Variants in ATP6V1A observed in about 807,000 individuals in gnomAD.
ATP6V1A encodes ATPase H+ transporting V1 subunit A.
In ATP6V1A, 18 loss-of-function variants were observed where a neutral mutation model predicts 70.1. That is an observed-to-expected ratio of 0.26 (90% CI 0.18 to 0.38). The LOEUF (loss-of-function observed/expected upper bound fraction) is 0.38. Ranked by LOEUF, ATP6V1A falls within the 10% of genes least tolerant of loss-of-function variation. The pLI is 1.00. For synonymous variants in ATP6V1A, 232 were observed against 253.8 expected (o/e 0.91, Z 0.82); for missense variants, 424 against 772.4 (o/e 0.55, Z 5.35).
chr3:113,775,146 A>G (rs1708893678), intron 1 of ATP6V1A, among the ~76,000 whole-genome samples: 1 of 152,106 alleles, frequency 6.6e-6, no homozygotes, highest in South Asian at 2.1e-4. Context: ...CTAAAAACAG[A>G]ATGGCTTTTT....
At position 113,786,289 on chromosome 3, in the gene ATP6V1A, G is replaced by A. The variant is rs1299646565; in HGVS notation, c.622G>A (p.Val208Ile). 2.5e-6 allele frequency: 4 copies of A among 1,613,210 alleles called. No homozygotes were observed. Among genetic ancestry groups the A allele is most frequent in the South Asian group, 1.1e-5 (1 of 90,994 alleles). ...GVKEKFTMVQVWPVRQVRPVT... is the reference protein window; with the variant it reads ...GVKEKFTMVQIWPVRQVRPVT... ...AAAGGAGAAGTTCACCATGGTGCAA[G>A]TATGGCCTGTACGTCAAGTTCGACC... The change falls in exon 6 of 15, where the codon GTA becomes ATA. Residue 208 changes from valine to isoleucine, a missense_variant. By Grantham distance (29) the Val-to-Ile change is conservative. This residue lies in a region of ATP6V1A where 139 missense variants were observed against 163.5 expected (regional missense o/e 0.85). Transcript: ENST00000273398.
chr3:113,762,589 C>A (rs928460047), intron 1 of ATP6V1A, among the ~76,000 whole-genome samples: 2 of 151,922 alleles, frequency 1.3e-5, no homozygotes, highest in Non-Finnish European at 2.9e-5. Flanking sequence ...ATGGTAAAGT[C>A]ATTTCATAGG....
intron 12 of ATP6V1A, chr3:113,803,217 A>C (rs1709235530): frequency 6.0e-6 from 1 of 167,752 alleles, no homozygotes; most frequent in Non-Finnish European, 1.3e-5. Flanking sequence ...AAATAGTCAA[A>C]TTTATAGAAA....
intron 1 of ATP6V1A, among the ~76,000 whole-genome samples, chr3:113,768,784 T>C (rs1366588414): frequency 6.6e-6 from 1 of 151,848 alleles, no homozygotes; most frequent in Non-Finnish European, 1.5e-5. Flanking sequence ...TTAGTAGAGA[T>C]GGGATTTCGC....
At chr3:113,776,202 T>A (rs779826729) in intron 1 of ATP6V1A, among the ~76,000 whole-genome samples, 3 of 151,602 alleles carry the variant, frequency 2.0e-5, no homozygotes, top group Non-Finnish European at 4.4e-5. Context: ...CTACAATAAA[T>A]GTAAAAATTA....
intron 1 of ATP6V1A, among the ~76,000 whole-genome samples, chr3:113,749,555 G>C (rs1221567587): frequency 6.6e-6 from 1 of 152,102 alleles, no homozygotes; most frequent in African/African-American, 2.4e-5. Flanking sequence ...TAGCCACTCA[G>C]TCCTATAGAC....
rs1037157681 is a variant in ATP6V1A at position 113,785,059 on chromosome 3, A to G, written c.564+226A>G. On this transcript the variant is annotated intron_variant, in intron 5 of 14. Transcript: ENST00000273398. ...AAGAAATGTAACAGTTTTCTACCATATTAACTGATGCTACATTTATTTAAA... is the reference window on the plus strand; with the variant it reads ...AAGAAATGTAACAGTTTTCTACCATGTTAACTGATGCTACATTTATTTAAA... Among the ~76,000 whole-genome samples the G allele has an allele frequency of 4.6e-5, 7 of 152,362 alleles. No individual in the cohort carries two copies. In the East Asian group the frequency reaches 7.7e-4, roughly 17 times the overall value.
At chr3:113,786,888 C>T (rs986048202) in intron 6 of ATP6V1A, among the ~76,000 whole-genome samples, 1 of 152,004 alleles carries the variant, frequency 6.6e-6, no homozygotes. Context: ...CAATCCTCCT[C>T]CTGCCTCACC....
chr3:113,755,290 A>G (rs1406658787), intron 1 of ATP6V1A, among the ~76,000 whole-genome samples: 1 of 152,092 alleles, frequency 6.6e-6, no homozygotes, highest in African/African-American at 2.4e-5. Context: ...TGGAATAATA[A>G]CTAGCACATA....
At position 113,809,956 on chromosome 3, in the gene ATP6V1A, A is replaced by C. The variant is rs1709321412; in HGVS notation, c.*529A>C. The C allele has an allele frequency of 6.6e-6, 1 of 152,232 alleles. No individual in the cohort carries two copies. Among genetic ancestry groups the C allele is most frequent in the African/African-American group, 2.4e-5 (1 of 41,460 alleles). The allele number at this position is 152,232 out of a possible 1,614,324, so 9.4% of individuals were successfully genotyped here. A position where few individuals can be genotyped will look rare whatever the true frequency, so the allele number is the denominator to read the frequency against. ...AAACATAATGATTAATGTTCCAATT[A>C]TGCATCACTTCCCCCAGTATAAATC... On this transcript the variant is annotated 3_prime_UTR_variant, in exon 15 of 15. Transcript: ENST00000273398.
At chr3:113,771,837 T>A (rs1335421881) in intron 1 of ATP6V1A, among the ~76,000 whole-genome samples, 1 of 152,194 alleles carries the variant, frequency 6.6e-6, no homozygotes, top group Non-Finnish European at 1.5e-5. Context: ...TTGTATGAGA[T>A]GAAGTAGAGT....
chr3:113,806,861 G>A (rs1709281090), intron 14 of ATP6V1A, among the ~76,000 whole-genome samples: 1 of 152,148 alleles, frequency 6.6e-6, no homozygotes, highest in South Asian at 2.1e-4. Flanking sequence ...GTATAAGATT[G>A]TTTTTAAAAT....
chr3:113,762,524 C>T (rs896471503), intron 1 of ATP6V1A, among the ~76,000 whole-genome samples: 2 of 151,868 alleles, frequency 1.3e-5, no homozygotes, highest in Non-Finnish European at 2.9e-5. Flanking sequence ...GCCGAGATTG[C>T]GCCATTGCAG....
intron 1 of ATP6V1A, among the ~76,000 whole-genome samples, chr3:113,767,480 A>G (rs1196839280): frequency 2.0e-5 from 3 of 152,214 alleles, no homozygotes; most frequent in African/African-American, 7.2e-5. Flanking sequence ...GGAAAATGAT[A>G]TAATACGCAC....
intron 1 of ATP6V1A, among the ~76,000 whole-genome samples, chr3:113,776,229 T>G (rs1226590698): frequency 6.6e-6 from 1 of 150,766 alleles, no homozygotes; most frequent in East Asian, 2.0e-4. Flanking sequence ...TGTGGTGTCG[T>G]GTGCTTGTCA....
At chr3:113,808,110 A>G (rs1471277054) in intron 14 of ATP6V1A, among the ~76,000 whole-genome samples, 1 of 150,728 alleles carries the variant, frequency 6.6e-6, no homozygotes, top group African/African-American at 2.4e-5. Context: ...AGCCTGGACA[A>G]CAAGAGCAAA....
chr3:113,761,101 TC>T (rs1382919314), intron 1 of ATP6V1A, among the ~76,000 whole-genome samples: 1 of 151,870 alleles, frequency 6.6e-6, no homozygotes, highest in East Asian at 1.9e-4. Flanking sequence ...TCTTTTCTTT[TC>T]TTTTTTTTTT....
intron 1 of ATP6V1A, among the ~76,000 whole-genome samples, chr3:113,775,503 T>TA (rs1482086294): frequency 6.6e-6 from 1 of 152,212 alleles, no homozygotes; most frequent in Non-Finnish European, 1.5e-5. Context: ...GTGCTGGAAT[T>TA]ATGGGCATGA....
intron 2 of ATP6V1A, chr3:113,780,719 T>A: frequency 1.6e-6 from 2 of 1,284,124 alleles, no homozygotes; most frequent in Non-Finnish European, 2.0e-6. Flanking sequence ...AAGTTTTTTT[T>A]ATTGTTCCAA....
Sources: allele counts gnomAD v4.1 joint callset (sites outside exome capture counted in the v4.1 genomes callset), GRCh38; gene constraint gnomAD v4.1.1; regional missense constraint gnomAD v4.1.1; transcripts MANE v1.5; gene names NCBI Gene and HGNC (gene_info 2026-07-23, HGNC 2026-07-21).